Variants in LIN9 observed in about 807,000 individuals in gnomAD.
LIN9 encodes protein lin-9 homolog.
LIN9 carries 18 observed loss-of-function variants against 78.0 expected under a neutral mutation model. The ratio of observed to expected loss-of-function variants is 0.23; its 90% confidence interval spans 0.16 to 0.34. The LOEUF (loss-of-function observed/expected upper bound fraction) is 0.34, where lower values mean the gene tolerates loss of function less well. Ranked by LOEUF, LIN9 falls within the 10% of genes least tolerant of loss-of-function variation. The pLI, the probability that LIN9 is intolerant of heterozygous loss-of-function variation, is 1.00. For missense variants in LIN9, 451 were observed against 644.1 expected (o/e 0.70, Z 3.25); for synonymous variants, 192 against 215.2 (o/e 0.89, Z 0.94).
At chr1:226,252,313 T>TG (rs1262828547) in intron 10 of LIN9, among the ~76,000 whole-genome samples, 78 of 150,422 alleles carry the variant, frequency 5.2e-4, no homozygotes, top group African/African-American at 1.4e-3. Flanking sequence ...AATAAATAAA[T>TG]AAATAAATGA....
At chr1:226,301,595 T>TG (rs1395194272) in intron 1 of LIN9, among the ~76,000 whole-genome samples, 1 of 151,598 alleles carries the variant, frequency 6.6e-6, no homozygotes, top group African/African-American at 2.4e-5. Flanking sequence ...AGTAATGGAG[T>TG]GGAAAAAAAC....
intron 10 of LIN9, among the ~76,000 whole-genome samples, chr1:226,253,448 C>T (rs1306880624): frequency 1.3e-5 from 2 of 151,522 alleles, no homozygotes; most frequent in African/African-American, 4.8e-5. Context: ...CTCGCACCAC[C>T]ACGCCTGGAT....
intron 1 of LIN9, 98 bp downstream of exon 1, chr1:226,309,011 C>A: frequency 8.2e-7 from 1 of 1,224,192 alleles, no homozygotes; most frequent in Non-Finnish European, 1.0e-6. Context: ...AGTCAGCCCA[C>A]CTGCCCAGCG....
intron 7 of LIN9, among the ~76,000 whole-genome samples, chr1:226,269,532 T>G (rs1205486482): frequency 6.6e-6 from 1 of 152,184 alleles, no homozygotes; most frequent in Non-Finnish European, 1.5e-5. Flanking sequence ...GGGGACTCAG[T>G]GGCCTCTTTG....
intron 8 of LIN9, among the ~76,000 whole-genome samples, chr1:226,267,278 AAGAC>A (rs1232046660): frequency 7.5e-6 from 1 of 133,344 alleles, no homozygotes; most frequent in Non-Finnish European, 1.6e-5. Flanking sequence ...TATATTTACA[AAGAC>A]ATACATATAT....
At chr1:226,292,263 T>C (rs1292406447) in intron 4 of LIN9, among the ~76,000 whole-genome samples, 2 of 151,896 alleles carry the variant, frequency 1.3e-5, no homozygotes, top group South Asian at 2.1e-4. Flanking sequence ...CAGATTCAAG[T>C]GATTCTCCTG....
intron 4 of LIN9, among the ~76,000 whole-genome samples, chr1:226,289,842 G>T (rs1370790605): frequency 4.5e-5 from 3 of 66,130 alleles, no homozygotes; most frequent in Admixed American, 3.1e-4. Context: ...TCCGGGGGGG[G>T]GGGTGGGGGG....
chr1:226,287,917 T>TCAC, intron 4 of LIN9, 120 bp from the exon 5 acceptor site: 1 of 647,814 alleles, frequency 1.5e-6, no homozygotes, highest in East Asian at 3.1e-5. Flanking sequence ...GTTCACTGAT[T>TCAC]CACTGATATT....
chr1:226,285,496 T>C (rs1452192033), intron 6 of LIN9, among the ~76,000 whole-genome samples: 1 of 152,168 alleles, frequency 6.6e-6, no homozygotes, highest in African/African-American at 2.4e-5. Flanking sequence ...AGACCTTCCT[T>C]GAACTTTCCC....
At position 226,278,924 on chromosome 1, in the gene LIN9, A is replaced by G. The variant is rs372958236; in HGVS notation, c.525-992T>C. Among the ~76,000 whole-genome samples, 21 of 151,098 alleles carry G rather than the reference A, an allele frequency of 1.4e-4. No individual in the cohort carries two copies. In the East Asian group the frequency reaches 1.7e-3, roughly 13 times the overall value. ...ATATCGAGGTCAGGAAATCCAGACC[A>G]TCCTGGCTAACATGGTGAAACCCCG... On this transcript the variant is annotated intron_variant, in intron 6 of 14. Transcript: ENST00000681046.
chr1:226,256,438 G>A (rs979051625), intron 10 of LIN9, among the ~76,000 whole-genome samples: 38 of 151,946 alleles, frequency 2.5e-4, no homozygotes, highest in African/African-American at 8.9e-4. Context: ...CATAGCTCAC[G>A]CCTGTAATCT....
At chr1:226,258,930 T>A (rs1576303197) in intron 10 of LIN9, among the ~76,000 whole-genome samples, 1 of 131,958 alleles carries the variant, frequency 7.6e-6, no homozygotes, top group African/African-American at 2.9e-5. Flanking sequence ...AAAAAGGCAT[T>A]ACATAATGAG....
chr1:226,281,521 G>C (rs1661051548), intron 6 of LIN9, among the ~76,000 whole-genome samples: 1 of 151,944 alleles, frequency 6.6e-6, no homozygotes, highest in Admixed American at 6.6e-5. Flanking sequence ...AAAAATGTTT[G>C]AGGTAATGGA....
intron 6 of LIN9, among the ~76,000 whole-genome samples, chr1:226,281,255 G>A (rs1661030722): frequency 6.6e-6 from 1 of 152,048 alleles, no homozygotes; most frequent in South Asian, 2.1e-4. Flanking sequence ...TAGAATGGTG[G>A]TTACCAGAGG....
chr1:226,270,480 C>T (rs547447297), intron 7 of LIN9, among the ~76,000 whole-genome samples: 2 of 151,990 alleles, frequency 1.3e-5, no homozygotes, highest in South Asian at 4.2e-4. Flanking sequence ...AAGAAAAGTA[C>T]AGTAAGAAAT....
chr1:226,237,377 A>C (rs1466855039), intron 12 of LIN9, among the ~76,000 whole-genome samples: 2 of 152,194 alleles, frequency 1.3e-5, no homozygotes, highest in Non-Finnish European at 2.9e-5. Context: ...TCATGCCTGT[A>C]ATCCCAGCAC....
intron 10 of LIN9, among the ~76,000 whole-genome samples, chr1:226,253,685 G>A (rs974577883): frequency 2.6e-5 from 4 of 151,866 alleles, no homozygotes; most frequent in African/African-American, 9.7e-5. Flanking sequence ...GGAGGCCAAG[G>A]TGGGTGGATC....
At chr1:226,254,649 C>T (rs543806692) in intron 10 of LIN9, among the ~76,000 whole-genome samples, 4 of 152,136 alleles carry the variant, frequency 2.6e-5, no homozygotes, top group Admixed American at 6.5e-5. Flanking sequence ...CGGTGGCTCA[C>T]GCCTGTAATC....
intron 7 of LIN9, among the ~76,000 whole-genome samples, chr1:226,269,715 GCT>G (rs1382624125): frequency 6.6e-6 from 1 of 152,150 alleles, no homozygotes; most frequent in Non-Finnish European, 1.5e-5. Flanking sequence ...GCGGAAATAA[GCT>G]CTCTACCATC....
Sources: gnomAD v4.1 joint callset for allele counts (sites outside exome capture counted in the v4.1 genomes callset) on GRCh38, gnomAD v4.1.1 for gene constraint, MANE v1.5 for transcripts, NCBI Gene and HGNC (gene_info 2026-07-23, HGNC 2026-07-21) for gene names.